Variants in KATNIP observed in about 807,000 individuals in gnomAD.
The protein encoded by KATNIP is katanin-interacting protein.
Under a neutral mutation model 174.0 loss-of-function variants are expected in KATNIP, and 126 were observed. That is an observed-to-expected ratio of 0.72 (90% CI 0.63 to 0.84). KATNIP has a LOEUF of 0.84. KATNIP is among the 40% of genes least tolerant of loss of function. The probability of loss-of-function intolerance (pLI) is 0.00; values close to 1 mark genes in which losing one functional copy is unlikely to be tolerated. For missense variants in KATNIP, 1,958 were observed against 2,109.7 expected (o/e 0.93, Z 1.41); for synonymous variants, 810 against 835.7 (o/e 0.97, Z 0.53).
chr16:27,701,757 T>C, intron 11 of KATNIP, 62 bp downstream of exon 11: 1 of 1,117,678 alleles, frequency 8.9e-7, no homozygotes, highest in Non-Finnish European at 1.3e-6. Context: ...GGGATCTTCT[T>C]CATGAGGGTT....
chr16:27,749,524 G>A lies in KATNIP; in HGVS notation c.2624-60G>A, dbSNP rs568699410. 5 of 1,502,092 alleles carry A rather than the reference G, an allele frequency of 3.3e-6. No homozygotes were observed. The African/African-American group carries it at 4.2e-5, about 13-fold the overall frequency. 93.0% of individuals were successfully genotyped at this position (1,502,092 alleles called of 1,614,324 possible). On this transcript the variant is annotated intron_variant, in intron 15 of 27. Transcript: ENST00000261588. The stretch of plus-strand genomic sequence containing the variant: ...CCACCACAGGAGACAGTCTCTAATG[G>A]TCCCCACTTCCACACATGCCACTCA...
At chr16:27,688,676 T>A (rs999254201) in intron 8 of KATNIP, among the ~76,000 whole-genome samples, 4 of 152,224 alleles carry the variant, frequency 2.6e-5, no homozygotes, top group Non-Finnish European at 5.9e-5. Flanking sequence ...GTAAGTGTTT[T>A]AATTCCTAGC....
chr16:27,598,408 T>C (rs2075408684), intron 2 of KATNIP, among the ~76,000 whole-genome samples: 1 of 152,202 alleles, frequency 6.6e-6, no homozygotes, highest in Admixed American at 6.5e-5. Context: ...CTGGTTGCTA[T>C]TCCTAAACCA....
rs2081075361 is a variant in KATNIP at position 27,740,778 on chromosome 16, G to C, written c.2481G>C (p.Gln827His). The C allele has an allele frequency of 1.2e-6, 2 of 1,614,072 alleles. No individual in the cohort carries two copies. The highest frequency in any genetic ancestry group is 2.7e-5 in the African/African-American group (2 of 74,952). ...GTGTCAACACCAAGGAGAGACCCCA[G>C]AGGGCAACCACCAAAGTCCACAGTG... ...SRSVNTKERP[Q>H]RATTKVHSDD... The change falls in exon 15 of 28, where the codon CAG (glutamine) becomes CAC (histidine). Residue 827 changes from glutamine (Q) to histidine (H), a missense_variant. Transcript: ENST00000261588.
chr16:27,706,055 T>G (rs1176538468), intron 12 of KATNIP, among the ~76,000 whole-genome samples: 1 of 152,062 alleles, frequency 6.6e-6, no homozygotes, highest in Non-Finnish European at 1.5e-5. Context: ...AATGACAGAC[T>G]CTTCTCATTG....
intron 2 of KATNIP, among the ~76,000 whole-genome samples, chr16:27,603,930 T>C (rs2075619466): frequency 6.6e-6 from 1 of 150,674 alleles, no homozygotes; most frequent in South Asian, 2.1e-4. Context: ...AGAGACTGGG[T>C]TTCACAACAT....
At chr16:27,650,619 C>T (rs2077094501) in intron 6 of KATNIP, among the ~76,000 whole-genome samples, 2 of 152,164 alleles carry the variant, frequency 1.3e-5, no homozygotes, top group Admixed American at 1.3e-4. Context: ...AGGACTCTTA[C>T]TGGAGATGGG....
At chr16:27,616,978 T>C (rs774614807) in intron 2 of KATNIP, among the ~76,000 whole-genome samples, 8 of 147,574 alleles carry the variant, frequency 5.4e-5, no homozygotes, top group Non-Finnish European at 1.0e-4. Context: ...TCTTTGTATA[T>C]TATAAACAAA....
chr16:27,738,169 G>A (rs2080966982), intron 14 of KATNIP, among the ~76,000 whole-genome samples: 1 of 152,124 alleles, frequency 6.6e-6, no homozygotes, highest in Non-Finnish European at 1.5e-5. Flanking sequence ...AAAGAGCCGA[G>A]CAAAAAAGAC....
chr16:27,669,725 C>A (rs1173965200), intron 6 of KATNIP, among the ~76,000 whole-genome samples: 1 of 152,170 alleles, frequency 6.6e-6, no homozygotes, highest in Non-Finnish European at 1.5e-5. Context: ...TTATAAGGGT[C>A]TAGGTTCATC....
At chr16:27,601,075 G>A (rs2075508202) in intron 2 of KATNIP, among the ~76,000 whole-genome samples, 2 of 152,188 alleles carry the variant, frequency 1.3e-5, no homozygotes, top group South Asian at 2.1e-4. Context: ...CTGCACTGGA[G>A]CAATTGTTCC....
intron 2 of KATNIP, among the ~76,000 whole-genome samples, chr16:27,608,990 G>A (rs942024989): frequency 3.9e-5 from 6 of 152,112 alleles, no homozygotes; most frequent in Non-Finnish European, 7.4e-5. Context: ...CCTCTGGCCC[G>A]TCCATGAACA....
chr16:27,714,878 A>C (rs980010903), intron 13 of KATNIP, among the ~76,000 whole-genome samples: 7 of 152,206 alleles, frequency 4.6e-5, no homozygotes, highest in African/African-American at 1.7e-4. Context: ...ATACTTCCCC[A>C]AACTGACCTA....
At chr16:27,622,860 A>G (rs1229614657) in intron 3 of KATNIP, among the ~76,000 whole-genome samples, 2 of 151,984 alleles carry the variant, frequency 1.3e-5, no homozygotes, top group African/African-American at 2.4e-5. Flanking sequence ...GTCTCCTGTT[A>G]CAGAAGAGGA....
In KATNIP at chr16:27,776,720, C is replaced by T. The variant is rs2082510270; in HGVS notation, c.4450-208C>T. 2 of 532,152 alleles carry T rather than the reference C, an allele frequency of 3.8e-6. No individual in the cohort carries two copies. The highest frequency in any genetic ancestry group is 2.5e-5 in the South Asian group (1 of 40,052). 33.0% of individuals were successfully genotyped at this position (532,152 alleles called of 1,614,324 possible). On this transcript the variant is annotated intron_variant, in intron 24 of 27. Coordinates refer to ENST00000261588, the MANE Select transcript of KATNIP (RefSeq NM_015202.5). This position sits in a 1 kb window ranked among gnomAD's most constrained non-coding sequence, Gnocchi z 4.7. ...AACACAGGCCCTCCAAAAGCCAGCT[C>T]AGCGGTTTGTTGCAAATGCAGCCAC... is the stretch of plus-strand genomic sequence containing the variant.
At chr16:27,643,679 G>A (rs112582581) in intron 5 of KATNIP, among the ~76,000 whole-genome samples, 2 of 151,258 alleles carry the variant, frequency 1.3e-5, no homozygotes, top group African/African-American at 2.4e-5. Context: ...GGCACGTAGT[G>A]TGAAAGCGTT....
chr16:27,735,058 G>A (rs1321144626), intron 14 of KATNIP, among the ~76,000 whole-genome samples: 1 of 152,188 alleles, frequency 6.6e-6, no homozygotes, highest in Non-Finnish European at 1.5e-5. Context: ...GTGATCCTTG[G>A]GCCACATCTG....
chr16:27,582,257 G>T (rs995933579), intron 2 of KATNIP, among the ~76,000 whole-genome samples: 4 of 152,026 alleles, frequency 2.6e-5, no homozygotes, highest in Admixed American at 1.3e-4. Flanking sequence ...GATCTCAATT[G>T]CTTTGTTTTA....
At chr16:27,711,126 T>G (rs574576918) in intron 13 of KATNIP, among the ~76,000 whole-genome samples, 2 of 152,306 alleles carry the variant, frequency 1.3e-5, no homozygotes, top group East Asian at 3.9e-4. Flanking sequence ...GTGTACTCAC[T>G]GCCACGCAGG....
Sources: allele counts gnomAD v4.1 joint callset (sites outside exome capture counted in the v4.1 genomes callset), GRCh38; gene constraint gnomAD v4.1.1; non-coding constraint Gnocchi (gnomAD v3.1); transcripts MANE v1.5; gene names NCBI Gene and HGNC (gene_info 2026-07-23, HGNC 2026-07-21).